Variants in CRHR2 observed in about 807,000 individuals in gnomAD.
CRHR2 encodes the protein corticotropin releasing hormone receptor 2.
Under a neutral mutation model 57.9 loss-of-function variants are expected in CRHR2, and 53 were observed. The ratio of observed to expected loss-of-function variants is 0.92; its 90% CI spans 0.73 to 1.15. CRHR2 has a LOEUF of 1.15. Among genes scored for constraint, CRHR2 ranks in the 50% most tolerant of loss-of-function variants. The pLI, the probability that CRHR2 is intolerant of heterozygous loss-of-function variation, is 0.00. For synonymous variants in CRHR2, 213 were observed against 220.9 expected, an observed-to-expected ratio of 0.96 and a Z score of 0.32; for missense variants, 532 against 542.6, an observed-to-expected ratio of 0.98 and a Z score of 0.19.
At chr7:30,688,557 G>A (rs1174105081) in intron 2 of CRHR2, among the ~76,000 whole-genome samples, 1 of 152,152 alleles carries the variant, frequency 6.6e-6, no homozygotes, top group African/African-American at 2.4e-5. Context: ...TCTGGGTGCT[G>A]GCCAGCACCC....
chr7:30,682,595 A>C, upstream of CRHR2: 1 of 936,888 alleles, frequency 1.1e-6, no homozygotes, highest in Non-Finnish European at 1.3e-6. Context: ...CGGGCCCTCC[A>C]CCCTGCCCAA....
At position 30,665,569 on chromosome 7, in the gene CRHR2, G is replaced by A. The variant is rs1483195576; in HGVS notation, c.386C>T (p.Ala129Val). The change falls in exon 4 of 12, where the codon GCA becomes GTA. Residue 129 changes from alanine (A) to valine (V), a missense_variant. Transcript: ENST00000471646. This position sits in a 1 kb window ranked among gnomAD's most constrained non-coding sequence, Gnocchi z 4.5. ...VNYLGHCVSV[A>V]ALVAAFLLFL... is the part of the protein sequence containing the mutation. ...AAGCAGGAAGGCGGCCACCAGGGCT[G>A]CCACAGATACGCAGTGGCCCAGGTA... 1 of 1,564,758 alleles carries A rather than the reference G, an allele frequency of 6.4e-7. No individual in the cohort carries two copies. The highest frequency in any genetic ancestry group is 8.7e-7 in the Non-Finnish European group (1 of 1,153,630).
chr7:30,690,161 T>G (rs1473793722), intron 1 of CRHR2, among the ~76,000 whole-genome samples: 1 of 152,128 alleles, frequency 6.6e-6, no homozygotes, highest in East Asian at 1.9e-4. Flanking sequence ...ATGTACAGTT[T>G]TACGGCATGT....
intron 11 of CRHR2, chr7:30,654,681 CCT>C: frequency 6.5e-7 from 1 of 1,535,826 alleles, no homozygotes; most frequent in South Asian, 1.2e-5. Context: ...TCTTCTGCTC[CCT>C]GAGTCCATAC....
intron 1 of CRHR2, among the ~76,000 whole-genome samples, chr7:30,697,028 T>A (rs1473549104): frequency 6.6e-6 from 1 of 151,452 alleles, no homozygotes; most frequent in Non-Finnish European, 1.5e-5. Context: ...CAGAAGGGAG[T>A]TGAATTTTTG....
intron 1 of CRHR2, among the ~76,000 whole-genome samples, chr7:30,690,883 G>C (rs1204763719): frequency 6.6e-6 from 1 of 152,202 alleles, no homozygotes; most frequent in East Asian, 1.9e-4. Flanking sequence ...AGGGGAGCAG[G>C]TGTGTGTGTT....
Position 30,682,389 on chromosome 7 carries a change from C to A in CRHR2, c.-109G>T. The A allele has an allele frequency of 7.2e-7, 1 of 1,390,068 alleles. No homozygotes were observed. The highest frequency in any genetic ancestry group is 1.6e-5 in the South Asian group (1 of 62,110). The allele number at this position is 1,390,068 out of a possible 1,614,324, so 86.1% of individuals were successfully genotyped here. On this transcript the variant is annotated 5_prime_UTR_variant, in exon 1 of 12. Coordinates refer to ENST00000471646, the MANE Select transcript of CRHR2 (RefSeq NM_001883.5). The stretch of plus-strand genomic sequence containing the variant: ...CGAGAGGGCGCGGGGTCCTGGCCCC[C>A]GCCAGCCCAGCCCCGATCTCCCGGG...
rs117273005 is a variant in CRHR2 at position 30,668,576 on chromosome 7, G to A, written c.230-1263C>T. 9.7e-3 allele frequency among the ~76,000 whole-genome samples: 1,474 copies of A among 152,322 alleles called. 12 individuals are homozygous for A. The highest frequency in any genetic ancestry group is 0.017 in the Non-Finnish European group (1,123 of 68,024). On this transcript the variant is annotated intron_variant, in intron 2 of 11. Transcript: ENST00000471646. ...GAACCTTAGGTTGTTTTTGGAAGCA[G>A]TGTGTTCTGAAATAATTAAGTTACT...
In CRHR2 at chr7:30,656,142, C is replaced by T. The variant is rs188522808; in HGVS notation, c.832-130G>A. On this transcript the variant is annotated intron_variant, in intron 8 of 11. Coordinates refer to ENST00000471646, the MANE Select transcript of CRHR2 (RefSeq NM_001883.5). This position sits in a 1 kb window ranked among gnomAD's most constrained non-coding sequence, Gnocchi z 4.4. ...CCACGCACACACCTATCCTACCTGT[C>T]CCCCTAGCACCTGCCAGCATCCCAA... 3 of 772,760 alleles carry T rather than the reference C, an allele frequency of 3.9e-6. No individual in the cohort carries two copies. The highest frequency in any genetic ancestry group is 1.7e-5 in the African/African-American group (1 of 59,068). 47.9% of individuals were successfully genotyped at this position (772,760 alleles called of 1,614,324 possible).
At chr7:30,699,699 C>T (rs967152923) in intron 1 of CRHR2, 2 of 217,540 alleles carry the variant, frequency 9.2e-6, no homozygotes. Context: ...CTTCCCTTCC[C>T]CTGCCCCCTC....
At position 30,653,896 on chromosome 7, in the gene CRHR2, A is replaced by G. The variant is rs932074515; in HGVS notation, c.1096-296T>C. Among the ~76,000 whole-genome samples the G allele has an allele frequency of 2.0e-5, 3 of 151,988 alleles. No individual in the cohort carries two copies. Among genetic ancestry groups the G allele is most frequent in the Non-Finnish European group, 4.4e-5 (3 of 67,994 alleles). ...TTCCCTGACTCACTCTGCCACCTCA[A>G]AATTAGCATCTTGGGACCAGAGAGC... On this transcript the variant is annotated intron_variant, in intron 11 of 11. Coordinates refer to ENST00000471646, the MANE Select transcript of CRHR2 (RefSeq NM_001883.5). This position sits in a 1 kb window ranked among gnomAD's most constrained non-coding sequence, Gnocchi z 5.0.
chr7:30,689,263 G>C, exon 2 of CRHR2: 1 of 1,550,442 alleles, frequency 6.4e-7, no homozygotes, highest in Non-Finnish European at 8.7e-7. Flanking sequence ...TGGTCTTTGG[G>C]CATCTGGCTC....
chr7:30,700,075 A>C lies in CRHR2; in HGVS notation c.-392T>G, dbSNP rs107540. 1,018 of 1,313,964 alleles carry C rather than the reference A, an allele frequency of 7.7e-4. 14 individuals are homozygous for C. In the African/African-American group the frequency reaches 0.014, roughly 18 times the overall value. 81.4% of individuals were successfully genotyped at this position (1,313,964 alleles called of 1,614,324 possible). ...GGTTAGGGACTGGAGCCTGCTGCCC[A>C]GCACGGTGGTCACACCCTGGCCAGC... On this transcript the variant is annotated 5_prime_UTR_variant, in exon 1 of 14. Transcript: ENST00000341843.
chr7:30,679,440 CAGAG>C lies in CRHR2; in HGVS notation c.229+2471_229+2474del, dbSNP rs1454263508. 6.6e-5 allele frequency among the ~76,000 whole-genome samples: 10 copies of C among 152,250 alleles called. No individual in the cohort carries two copies. In the South Asian group the frequency reaches 1.5e-3, roughly 22 times the overall value. ...ATGGGCATAAAAGCAGTATGTATCT[CAGAG>C]GGAGTGTGGGCGAGTGGGATTATGG... is the stretch of plus-strand genomic sequence containing the variant. On this transcript the variant is annotated intron_variant, in intron 2 of 11. Coordinates refer to ENST00000471646, the MANE Select transcript of CRHR2 (RefSeq NM_001883.5).
At chr7:30,678,782 C>G (rs190101227) in intron 2 of CRHR2, among the ~76,000 whole-genome samples, 1 of 152,204 alleles carries the variant, frequency 6.6e-6, no homozygotes, top group Non-Finnish European at 1.5e-5. Flanking sequence ...CTTGCCATCT[C>G]TCACCATATC....
Sources: allele counts gnomAD v4.1 joint callset (sites outside exome capture counted in the v4.1 genomes callset), GRCh38; gene constraint gnomAD v4.1.1; non-coding constraint Gnocchi (gnomAD v3.1); transcripts MANE v1.5; gene names NCBI Gene and HGNC (gene_info 2026-07-23, HGNC 2026-07-21).